Variants in FBN2 observed in about 807,000 individuals in gnomAD.
The protein encoded by FBN2 is fibrillin 2.
A neutral mutation model predicts 355.6 loss-of-function variants in FBN2; 105 were observed. The observed-to-expected ratio is 0.30, with a 90% CI of 0.25 to 0.35. FBN2 has a LOEUF of 0.35. Ranked by LOEUF, FBN2 falls within the 10% of genes least tolerant of loss-of-function variation. The probability of loss-of-function intolerance (pLI) is 1.00; values close to 1 mark genes in which losing one functional copy is unlikely to be tolerated. For synonymous variants in FBN2, 1,350 were observed against 1,301.2 expected, an observed-to-expected ratio of 1.04 and a Z score of -0.81; for missense variants, 3,280 against 3,758.7, an observed-to-expected ratio of 0.87 and a Z score of 3.33.
Position 128,391,844 on chromosome 5 carries a change from C to A in FBN2, c.1603+174G>T, listed in dbSNP as rs1384211023. 3.3e-5 allele frequency among the ~76,000 whole-genome samples: 5 copies of A among 152,194 alleles called. No individual in the cohort carries two copies. In the South Asian group the frequency reaches 1.0e-3, roughly 32 times the overall value. On this transcript the variant is annotated intron_variant, in intron 11 of 64. Coordinates refer to ENST00000262464, the MANE Select transcript of FBN2 (RefSeq NM_001999.4). ...AAGGGTAGGAAATTCTTAAAGTGAT[C>A]TAGCTCAGCATAGGTTAAGGGGGCA...
At chr5:128,309,810 G>A (rs1251415858) in intron 40 of FBN2, among the ~76,000 whole-genome samples, 173 bp downstream of exon 40, 3 of 152,152 alleles carry the variant, frequency 2.0e-5, no homozygotes, top group Non-Finnish European at 4.4e-5. Flanking sequence ...AAATTTAAAT[G>A]TATACCCAAA....
chr5:128,429,492 C>A (rs1373670516), intron 7 of FBN2, among the ~76,000 whole-genome samples: 2 of 151,990 alleles, frequency 1.3e-5, no homozygotes, highest in African/African-American at 2.4e-5. Context: ...TTTTTAAATT[C>A]CAGGTAGAAA....
At chr5:128,480,000 A>G (rs1453948228) in intron 5 of FBN2, among the ~76,000 whole-genome samples, 59 of 78,410 alleles carry the variant, frequency 7.5e-4, no homozygotes, top group African/African-American at 2.7e-3. Flanking sequence ...ATATATATAT[A>G]TATATATATA....
intron 25 of FBN2, among the ~76,000 whole-genome samples, chr5:128,342,200 G>A (rs1751042014): frequency 6.6e-6 from 1 of 151,998 alleles, no homozygotes; most frequent in Non-Finnish European, 1.5e-5. Context: ...AGAGGACTCT[G>A]GCAACACCCA....
At chr5:128,492,590 G>T (rs909721794) in intron 5 of FBN2, among the ~76,000 whole-genome samples, 5 of 152,174 alleles carry the variant, frequency 3.3e-5, no homozygotes, top group Middle Eastern at 3.4e-3. Flanking sequence ...ATCACCCAAG[G>T]TCAGGAGTTC....
chr5:128,364,588 C>A lies in FBN2; in HGVS notation c.2428+12G>T, dbSNP rs1751719578. 6.2e-7 allele frequency: 1 copy of A among 1,612,096 alleles called. No individual in the cohort carries two copies. The highest frequency in any genetic ancestry group is 1.7e-5 in the Admixed American group (1 of 59,960). ...ATGAAATGTTCTTGCATAAATATAA[C>A]AAATAACTTACCAATACAGTTTCTT... On this transcript the variant is annotated intron_variant, in intron 18 of 64. Coordinates refer to ENST00000262464, the MANE Select transcript of FBN2 (RefSeq NM_001999.4).
At chr5:128,393,078 T>C in intron 10 of FBN2, 57 bp downstream of exon 10, 3 of 1,314,104 alleles carry the variant, frequency 2.3e-6, no homozygotes, top group Admixed American at 1.7e-5. Context: ...ATGTTAGATA[T>C]TATAATGTCA....
chr5:128,263,704 C>A (rs1332259780), intron 62 of FBN2, 48 bp from the exon 63 acceptor site: 1 of 1,405,572 alleles, frequency 7.1e-7, no homozygotes, highest in African/African-American at 1.4e-5. Flanking sequence ...CAGGCAAGAG[C>A]AAAAACGTGA....
At chr5:128,319,846 T>C (rs1385904894) in intron 34 of FBN2, among the ~76,000 whole-genome samples, 1 of 152,186 alleles carries the variant, frequency 6.6e-6, no homozygotes, top group South Asian at 2.1e-4. Context: ...GAATTTCTAC[T>C]CTCAAAAAGA....
intron 8 of FBN2, among the ~76,000 whole-genome samples, chr5:128,404,757 T>C (rs1752883948): frequency 6.6e-6 from 1 of 152,208 alleles, no homozygotes; most frequent in African/African-American, 2.4e-5. Flanking sequence ...GAAGTACCTG[T>C]GACAATGCAG....
Position 128,301,394 on chromosome 5 carries a change from T to G in FBN2, c.6034A>C (p.Lys2012Gln). The change falls in exon 47 of 65, where the codon AAA becomes CAA. Residue 2012 changes from lysine to glutamine, a missense_variant. Transcript: ENST00000262464. ...NEGYELTPDG[K>Q]NCIDTNECVA... ...TTTAAATACTTACCTATACAGTTTT[T>G]GCCATCTGGGGTAAGTTCATAACCT... The G allele has an allele frequency of 6.2e-7, 1 of 1,613,350 alleles. No homozygotes were observed. Among genetic ancestry groups the G allele is most frequent in the East Asian group, 2.2e-5 (1 of 44,812 alleles).
In FBN2 at chr5:128,333,033, A is replaced by T. The variant is rs1223358745; in HGVS notation, c.4101T>A (p.Asp1367Glu). 1 of 1,610,886 alleles carries T rather than the reference A, an allele frequency of 6.2e-7. No individual in the cohort carries two copies. Among genetic ancestry groups the T allele is most frequent in the South Asian group, 1.1e-5 (1 of 90,996 alleles). ...GAGCACCAATTTCACACTCATCCAC[A>T]TCTGATAAACCATAATTCATAAGAA... The part of the protein sequence containing the change: ...SVKKGTTGCT[D>E]VDECEIGAHN... Residue 1367 changes from aspartate (D) to glutamate (E), a missense_variant and splice_region_variant, in exon 32 of 65, where the codon GAT becomes GAA. Coordinates refer to ENST00000262464, the MANE Select transcript of FBN2 (RefSeq NM_001999.4).
At chr5:128,339,839 C>A (rs1001966183) in intron 25 of FBN2, among the ~76,000 whole-genome samples, 1 of 152,130 alleles carries the variant, frequency 6.6e-6, no homozygotes, top group Non-Finnish European at 1.5e-5. Flanking sequence ...CCACGACGGA[C>A]CAACCCTGAG....
At chr5:128,394,047 T>C (rs1430224524) in intron 9 of FBN2, among the ~76,000 whole-genome samples, 1 of 152,198 alleles carries the variant, frequency 6.6e-6, no homozygotes, top group African/African-American at 2.4e-5. Flanking sequence ...AATTATTTAC[T>C]AGGCATTAAT....
At chr5:128,337,855 C>A in intron 27 of FBN2, 142 bp downstream of exon 27, 1 of 858,492 alleles carries the variant, frequency 1.2e-6, no homozygotes, top group Non-Finnish European at 1.9e-6. Context: ...ACACAGCCTG[C>A]ATCCAGATGT....
intron 34 of FBN2, among the ~76,000 whole-genome samples, chr5:128,320,975 T>A (rs1750354922): frequency 6.6e-6 from 1 of 152,218 alleles, no homozygotes; most frequent in South Asian, 2.1e-4. Context: ...TTCACTTTTT[T>A]AATGTCTATG....
intron 11 of FBN2, among the ~76,000 whole-genome samples, chr5:128,382,747 T>C (rs1752265438): frequency 6.6e-6 from 1 of 152,110 alleles, no homozygotes; most frequent in African/African-American, 2.4e-5. Flanking sequence ...TAATCTGTCA[T>C]CAGATTCTAT....
chr5:128,423,814 A>T (rs538567142), intron 7 of FBN2, among the ~76,000 whole-genome samples: 2 of 152,284 alleles, frequency 1.3e-5, no homozygotes, highest in East Asian at 3.9e-4. Flanking sequence ...TTGCAGTGGA[A>T]CATGTAGGAG....
At chr5:128,502,138 A>G (rs75925828) in intron 5 of FBN2, among the ~76,000 whole-genome samples, 3,037 of 152,154 alleles carry the variant, frequency 0.02, 65 homozygotes, top group South Asian at 0.086. Flanking sequence ...ACACAATGCC[A>G]GAAAACAATT....
Sources: gnomAD v4.1 joint callset for allele counts (sites outside exome capture counted in the v4.1 genomes callset) on GRCh38, gnomAD v4.1.1 for gene constraint, MANE v1.5 for transcripts, NCBI Gene and HGNC (gene_info 2026-07-23, HGNC 2026-07-21) for gene names.